SDK1: variants seen among roughly 807,000 people sequenced by gnomAD.
SDK1 encodes protein sidekick-1.
Under a neutral mutation model 245.5 loss-of-function variants are expected in SDK1, and 157 were observed. The observed-to-expected ratio is 0.64, with a 90% CI of 0.56 to 0.73. The LOEUF (loss-of-function observed/expected upper bound fraction) is 0.73. Among genes scored for constraint, SDK1 ranks in the 30% least tolerant of loss-of-function variants. The pLI is 0.00. For missense variants in SDK1, 3,583 were observed against 3,002.3 expected, an observed-to-expected ratio of 1.19 and a Z score of -4.52; for synonymous variants, 1,647 against 1,278.5, an observed-to-expected ratio of 1.29 and a Z score of -6.15.
chr7:4,089,495 G>A (rs1163433737), intron 22 of SDK1, among the ~76,000 whole-genome samples: 1 of 152,228 alleles, frequency 6.6e-6, no homozygotes, highest in Non-Finnish European at 1.5e-5. Flanking sequence ...CAGTTCAGAG[G>A]TTTTAGTGCT....
At chr7:3,635,712 T>C (rs1782436700) in intron 2 of SDK1, among the ~76,000 whole-genome samples, 1 of 152,188 alleles carries the variant, frequency 6.6e-6, no homozygotes, top group South Asian at 2.1e-4. Flanking sequence ...CTCCTTTTCT[T>C]TTCTTTTTTC....
chr7:3,795,532 C>G (rs1477220355), intron 4 of SDK1, among the ~76,000 whole-genome samples: 1 of 152,140 alleles, frequency 6.6e-6, no homozygotes, highest in Non-Finnish European at 1.5e-5. Context: ...GGAGGATTGG[C>G]TGCGCTCATG....
chr7:3,776,089 G>C (rs1780552108), intron 4 of SDK1, among the ~76,000 whole-genome samples: 1 of 152,222 alleles, frequency 6.6e-6, no homozygotes, highest in Non-Finnish European at 1.5e-5. Context: ...CCAGACACTG[G>C]AGTCAGAAAT....
intron 4 of SDK1, among the ~76,000 whole-genome samples, chr7:3,750,637 G>A (rs935071231): frequency 3.9e-5 from 6 of 152,194 alleles, no homozygotes; most frequent in Admixed American, 2.6e-4. Context: ...GCAAGAGGAA[G>A]CATCAGCGCT....
intron 1 of SDK1, among the ~76,000 whole-genome samples, chr7:3,346,245 C>G (rs555387865): frequency 5.9e-5 from 9 of 152,184 alleles, no homozygotes; most frequent in South Asian, 2.1e-4. Flanking sequence ...GAAGAGGAGT[C>G]CTGCCAGCTT....
chr7:3,415,878 G>C (rs1438111893), intron 1 of SDK1, among the ~76,000 whole-genome samples: 1 of 151,910 alleles, frequency 6.6e-6, no homozygotes, highest in Non-Finnish European at 1.5e-5. Flanking sequence ...AATGATTTTG[G>C]GAACAAGATA....
chr7:3,522,341 C>G (rs960095615), intron 1 of SDK1, among the ~76,000 whole-genome samples: 18 of 152,064 alleles, frequency 1.2e-4, no homozygotes, highest in African/African-American at 3.6e-4. Flanking sequence ...TGAGGATCAC[C>G]CAGCATGTCA....
chr7:3,384,428 G>C lies in SDK1; in HGVS notation c.298+82544G>C, dbSNP rs556745456. On this transcript the variant is annotated intron_variant, in intron 1 of 44. Transcript: ENST00000404826. ...AAGGATTCTGTGGTTCAATAAACTT[G>C]GGAAAGACTGCGTCCTATATGCTTT... Among the ~76,000 whole-genome samples the C allele has an allele frequency of 2.0e-5, 3 of 152,248 alleles. No individual in the cohort carries two copies. In the East Asian group the frequency reaches 5.8e-4, roughly 29 times the overall value.
intron 1 of SDK1, among the ~76,000 whole-genome samples, chr7:3,347,166 G>T (rs1780530659): frequency 6.6e-6 from 1 of 151,724 alleles, no homozygotes; most frequent in Admixed American, 6.6e-5. Flanking sequence ...CGGTTAAGTG[G>T]AGTTGTACTT....
At chr7:4,232,078 C>G (rs1378117622) in intron 40 of SDK1, among the ~76,000 whole-genome samples, 3 of 144,902 alleles carry the variant, frequency 2.1e-5, no homozygotes, top group African/African-American at 7.7e-5. Flanking sequence ...AAACAGCCTC[C>G]TTAGAATTGA....
intron 4 of SDK1, among the ~76,000 whole-genome samples, chr7:3,687,056 A>AAAACACACACACACACACACACACACAC: frequency 7.4e-6 from 1 of 135,250 alleles, no homozygotes; most frequent in South Asian, 2.5e-4. Context: ...ATAGCATCAA[A>AAAACACACACACACACACACACACACAC]ACACACACAC....
At chr7:4,169,055 C>T (rs576804401) in intron 32 of SDK1, among the ~76,000 whole-genome samples, 1 of 152,310 alleles carries the variant, frequency 6.6e-6, no homozygotes, top group African/African-American at 2.4e-5. Context: ...TTAGCGGGGA[C>T]CTGTTGCTGT....
chr7:3,945,899 TAAAAAAAAAAAAAA>T (rs754101246), intron 5 of SDK1, among the ~76,000 whole-genome samples: 382 of 13,694 alleles, frequency 0.028, 7 homozygotes, highest in South Asian at 0.045. Flanking sequence ...ACTCTGTCTG[TAAAAAAAAAAAAAA>T]AAAAAAAAAA....
At chr7:3,623,351 G>C (rs950586156) in intron 2 of SDK1, among the ~76,000 whole-genome samples, 1 of 150,294 alleles carries the variant, frequency 6.7e-6, no homozygotes, top group Non-Finnish European at 1.5e-5. Context: ...GGTCTCAAGC[G>C]ATTGTCAGCC....
At chr7:3,798,724 A>G (rs1424554418) in intron 4 of SDK1, among the ~76,000 whole-genome samples, 1 of 152,152 alleles carries the variant, frequency 6.6e-6, no homozygotes, top group African/African-American at 2.4e-5. Flanking sequence ...TGTTCTTAGA[A>G]GCAAGTCTCT....
rs761998667 is a variant in SDK1, at chr7:4,145,729, G to T, written c.4236G>T (p.Gln1412His). ...EEPNGIILGY[Q>H]IAYRLASSSP... ...CATGTCACCTGCCTGCAGGGTACCA[G>T]ATTGCCTACCGCCTGGCCAGCAGCA... The change falls in exon 29 of 45, where the codon CAG (glutamine) becomes CAT (histidine). Residue 1412 changes from glutamine (Q) to histidine (H), a missense_variant. Gln to His is a conservative substitution (Grantham distance 24). Transcript: ENST00000404826. 4.4e-6 allele frequency: 7 copies of T among 1,605,526 alleles called. No individual in the cohort carries two copies. Among genetic ancestry groups the T allele is most frequent in the Non-Finnish European group, 6.0e-6 (7 of 1,175,974 alleles).
chr7:4,160,212 A>G (rs1489655883), intron 31 of SDK1, among the ~76,000 whole-genome samples: 3 of 152,230 alleles, frequency 2.0e-5, no homozygotes, highest in Non-Finnish European at 2.9e-5. Context: ...TACCTTTAAC[A>G]CAGTTGAGGT....
chr7:3,914,672 G>T (rs1284016901), intron 5 of SDK1, among the ~76,000 whole-genome samples: 2 of 152,204 alleles, frequency 1.3e-5, no homozygotes, highest in Non-Finnish European at 2.9e-5. Flanking sequence ...AGGACAGAGT[G>T]TTGGGTATCT....
chr7:3,582,854 C>A (rs1247003573), intron 1 of SDK1, among the ~76,000 whole-genome samples: 1 of 152,166 alleles, frequency 6.6e-6, no homozygotes, highest in Non-Finnish European at 1.5e-5. Flanking sequence ...TGTTTTCCAA[C>A]TCAGAGCGTG....
Sources: gnomAD v4.1 joint callset for allele counts (sites outside exome capture counted in the v4.1 genomes callset) on GRCh38, gnomAD v4.1.1 for gene constraint, MANE v1.5 for transcripts, NCBI Gene and HGNC (gene_info 2026-07-23, HGNC 2026-07-21) for gene names.